Variants in SND1 observed in about 807,000 individuals in gnomAD.
The protein encoded by SND1 is staphylococcal nuclease domain-containing protein 1.
In SND1, 38 loss-of-function variants were observed where a neutral mutation model predicts 121.7. The observed-to-expected ratio is 0.31, with a 90% CI of 0.24 to 0.41. SND1 has a LOEUF of 0.41. SND1 is among the 10% of genes least tolerant of loss of function. The pLI, the probability that SND1 is intolerant of heterozygous loss-of-function variation, is 1.00. For synonymous variants in SND1, 401 were observed against 447.4 expected, an observed-to-expected ratio of 0.90 and a Z score of 1.31; for missense variants, 868 against 1,184.6, an observed-to-expected ratio of 0.73 and a Z score of 3.92.
chr7:127,665,459 T>C (rs1030561388), intron 1 of SND1, among the ~76,000 whole-genome samples: 2 of 152,112 alleles, frequency 1.3e-5, no homozygotes, highest in African/African-American at 2.4e-5. Context: ...AGTGCTGGGA[T>C]TACAGGCGTG....
At chr7:127,869,649 T>C (rs1014731714) in intron 12 of SND1, among the ~76,000 whole-genome samples, 1 of 152,114 alleles carries the variant, frequency 6.6e-6, no homozygotes, top group Non-Finnish European at 1.5e-5. Context: ...AGTGGTTAGA[T>C]CTCATATAAT....
At chr7:127,759,209 T>C (rs921416886) in intron 10 of SND1, among the ~76,000 whole-genome samples, 2 of 152,184 alleles carry the variant, frequency 1.3e-5, no homozygotes, top group Non-Finnish European at 2.9e-5. Context: ...TGACTTAAGA[T>C]GGTGTCTGTC....
At chr7:127,919,192 A>G (rs971271482) in intron 14 of SND1, among the ~76,000 whole-genome samples, 2 of 152,214 alleles carry the variant, frequency 1.3e-5, no homozygotes, top group Non-Finnish European at 2.9e-5. Flanking sequence ...TGTTTTAGCC[A>G]TTTAGCCTTT....
intron 12 of SND1, among the ~76,000 whole-genome samples, chr7:127,885,625 G>A (rs1026514915): frequency 6.6e-5 from 10 of 152,028 alleles, no homozygotes; most frequent in African/African-American, 9.7e-5. Flanking sequence ...GGTTTTTCCC[G>A]GCCAGGCAGG....
At chr7:127,862,459 G>A (rs1004847763) in intron 12 of SND1, among the ~76,000 whole-genome samples, 1 of 152,188 alleles carries the variant, frequency 6.6e-6, no homozygotes, top group Non-Finnish European at 1.5e-5. Flanking sequence ...CAAAATTGCT[G>A]TGATAGCCAT....
intron 12 of SND1, among the ~76,000 whole-genome samples, chr7:127,867,124 C>T (rs1799492323): frequency 6.6e-6 from 1 of 152,168 alleles, no homozygotes; most frequent in African/African-American, 2.4e-5. Context: ...AATTAAAAGA[C>T]ATTTTAATTC....
rs1176993560 is a variant in SND1 at position 127,967,018 on chromosome 7, A to T, written c.1670-23929A>T. Among the ~76,000 whole-genome samples, 4 of 152,144 alleles carry T rather than the reference A, an allele frequency of 2.6e-5. No individual in the cohort carries two copies. In the East Asian group the frequency reaches 5.8e-4, roughly 22 times the overall value. On this transcript the variant is annotated intron_variant, in intron 15 of 23. Coordinates refer to ENST00000354725, the MANE Select transcript of SND1 (RefSeq NM_014390.4). The stretch of plus-strand genomic sequence containing the variant: ...ATTTCCTCCTTGTGGAGGACTTCCC[A>T]TGAATTGCAGGATGTTTACCCCTTA...
chr7:128,018,913 T>A (rs529410346), intron 16 of SND1, among the ~76,000 whole-genome samples: 17 of 152,340 alleles, frequency 1.1e-4, no homozygotes, highest in Admixed American at 7.2e-4. Context: ...TCATTGCTGT[T>A]AAGGCCACAT....
In SND1 at chr7:127,721,389, GA is replaced by G; in HGVS notation, c.1142del (p.Glu381GlyfsTer37). The G allele has an allele frequency of 6.2e-7, 1 of 1,609,136 alleles. No homozygotes were observed. The highest frequency in any genetic ancestry group is 8.5e-7 in the Non-Finnish European group (1 of 1,177,404). ...SSIRPPRLEG[E>X]NTQDKNKKLR... is the part of the protein sequence containing the mutation. ...CATCCGACCACCGAGGCTGGAGGGG[GA>G]GAACACCCAGGTGAGAATAGGGAAG... On this transcript the variant is annotated frameshift_variant, in exon 10 of 24. Transcript: ENST00000354725. LOFTEE classifies it high-confidence loss of function.
rs79260822 is a variant in SND1, at chr7:127,853,008, T to C, written c.1343+8584T>C. On this transcript the variant is annotated intron_variant, in intron 12 of 23. Transcript: ENST00000354725. ...TGGCATTTCTCTGCAGTTACGTAGG[T>C]CTACTTCTCTTGGACAGCTTCATCA... Among the ~76,000 whole-genome samples the C allele has an allele frequency of 1.0e-4, 15 of 143,094 alleles. No homozygotes were observed. In the East Asian group the frequency reaches 2.6e-3, roughly 24 times the overall value. 93.9% of individuals were successfully genotyped at this position (143,094 alleles called of 152,430 possible).
chr7:127,652,347 C>A lies in SND1; in HGVS notation c.-27C>A, dbSNP rs748361302. The A allele has an allele frequency of 6.3e-6, 10 of 1,576,414 alleles. No homozygotes were observed. The highest frequency in any genetic ancestry group is 8.6e-6 in the Non-Finnish European group (10 of 1,159,918). Reference sequence around the variant, plus strand: ...GACACCTCCAGTCCGGCCAGCCGCTCCACTCGTTGCCTTTGCATCTCCACA... The same window carrying A: ...GACACCTCCAGTCCGGCCAGCCGCTACACTCGTTGCCTTTGCATCTCCACA... On this transcript the variant is annotated 5_prime_UTR_variant, in exon 1 of 24. Coordinates refer to ENST00000354725, the MANE Select transcript of SND1 (RefSeq NM_014390.4).
chr7:128,045,957 TC>T (rs1792938555), intron 16 of SND1, among the ~76,000 whole-genome samples: 1 of 152,214 alleles, frequency 6.6e-6, no homozygotes, highest in African/African-American at 2.4e-5. Flanking sequence ...TCAGCTGACT[TC>T]CTTTTACAAC....
chr7:127,920,389 C>G (rs989984065), intron 14 of SND1, among the ~76,000 whole-genome samples: 7 of 152,096 alleles, frequency 4.6e-5, no homozygotes, highest in Admixed American at 3.9e-4. Flanking sequence ...TCCTAGCAAG[C>G]CACCCTGCAG....
chr7:127,725,193 C>T (rs950030264), intron 10 of SND1, among the ~76,000 whole-genome samples: 1 of 152,134 alleles, frequency 6.6e-6, no homozygotes, highest in Non-Finnish European at 1.5e-5. Context: ...GGCATCCTCT[C>T]GGAGTCTTAG....
chr7:127,736,032 C>A (rs1368720304), intron 10 of SND1, among the ~76,000 whole-genome samples: 2 of 152,176 alleles, frequency 1.3e-5, no homozygotes, highest in Non-Finnish European at 2.9e-5. Context: ...AGACTGAATT[C>A]TCCCTTTTTA....
chr7:127,743,611 A>C (rs1796923684), intron 10 of SND1, among the ~76,000 whole-genome samples: 2 of 152,166 alleles, frequency 1.3e-5, no homozygotes, highest in Non-Finnish European at 2.9e-5. Context: ...GCTGTGTTTT[A>C]AAGTGATTGG....
At chr7:128,055,586 G>A (rs2117027041) in intron 16 of SND1, among the ~76,000 whole-genome samples, 1 of 152,326 alleles carries the variant, frequency 6.6e-6, no homozygotes, top group Non-Finnish European at 1.5e-5. Context: ...ACAGAGAATA[G>A]ATGCAACGAG....
At chr7:127,985,679 C>G (rs1802371224) in intron 15 of SND1, among the ~76,000 whole-genome samples, 1 of 152,222 alleles carries the variant, frequency 6.6e-6, no homozygotes, top group African/African-American at 2.4e-5. Context: ...ACTTCATGAG[C>G]ACAAAGTGTT....
intron 13 of SND1, among the ~76,000 whole-genome samples, chr7:127,898,634 T>C (rs747532588): frequency 6.6e-6 from 1 of 152,196 alleles, no homozygotes; most frequent in South Asian, 2.1e-4. Context: ...AGTTTTTTAC[T>C]CTTTGTTCTG....
Sources: gnomAD v4.1 joint callset for allele counts (sites outside exome capture counted in the v4.1 genomes callset) on GRCh38, gnomAD v4.1.1 for gene constraint, MANE v1.5 for transcripts, NCBI Gene and HGNC (gene_info 2026-07-23, HGNC 2026-07-21) for gene names.